The following IL31RA variants were observed in gnomAD, a reference collection of about 807,000 sequenced individuals.
The protein encoded by IL31RA is interleukin 31 receptor A, also known as interleukin-31 receptor subunit alpha.
A neutral mutation model predicts 83.7 loss-of-function variants in IL31RA; 66 were observed. The observed-to-expected ratio is 0.79, with a 90% CI of 0.65 to 0.97. The LOEUF (loss-of-function observed/expected upper bound fraction) is 0.97, where lower values mean the gene tolerates loss of function less well. IL31RA is among the 50% of genes least tolerant of loss of function. The pLI, the probability that IL31RA is intolerant of heterozygous loss-of-function variation, is 0.00. For synonymous variants in IL31RA, 325 were observed against 329.0 expected (o/e 0.99, Z 0.13); for missense variants, 798 against 919.4 (o/e 0.87, Z 1.71).
upstream of IL31RA, among the ~76,000 whole-genome samples, chr5:55,847,320 C>T (rs751579150): frequency 5.3e-5 from 8 of 151,282 alleles, no homozygotes; most frequent in East Asian, 9.7e-4. Flanking sequence ...TAGGGCTGGG[C>T]GCAGTGGCTC....
chr5:55,855,902 G>A (rs183203333), intron 1 of IL31RA, among the ~76,000 whole-genome samples: 39 of 152,182 alleles, frequency 2.6e-4, no homozygotes, highest in Admixed American at 2.6e-4. Context: ...GTTGTTGTTT[G>A]TTTGTTTGTT....
At chr5:55,886,000 AAAAT>A (rs1182911545) in intron 5 of IL31RA, among the ~76,000 whole-genome samples, 1 of 152,166 alleles carries the variant, frequency 6.6e-6, no homozygotes, top group African/African-American at 2.4e-5. Flanking sequence ...TTCAACAAGA[AAAAT>A]AAACCAGGAC....
intron 6 of IL31RA, 143 bp from the exon 7 acceptor site, chr5:55,896,207 G>A: frequency 1.4e-6 from 1 of 707,442 alleles, no homozygotes; most frequent in Non-Finnish European, 2.7e-6. Context: ...TTTGGTCATT[G>A]CAAAGCTGCC....
chr5:55,911,063 G>A (rs879838150), intron 12 of IL31RA, among the ~76,000 whole-genome samples: 3 of 152,140 alleles, frequency 2.0e-5, no homozygotes, highest in Non-Finnish European at 2.9e-5. Flanking sequence ...CTGTTTTCAC[G>A]CTGCTGATAA....
intron 4 of IL31RA, among the ~76,000 whole-genome samples, chr5:55,877,390 A>C (rs995879383): frequency 6.6e-6 from 1 of 152,250 alleles, no homozygotes; most frequent in Non-Finnish European, 1.5e-5. Context: ...AACCATAATT[A>C]CAATAATACT....
rs1019006636 is a variant in IL31RA, at chr5:55,919,767, A to G, written c.*2647A>G. Among the ~76,000 whole-genome samples, 3 of 152,162 alleles carry G rather than the reference A, an allele frequency of 2.0e-5. No homozygotes were observed. The highest frequency in any genetic ancestry group is 7.2e-5 in the African/African-American group (3 of 41,442). ...GGGCCACACCTTAGCTCTCCTGAGC[A>G]GGTTCACAGGATGTGAGCCTCAGAG... On this transcript the variant is annotated 3_prime_UTR_variant, in exon 15 of 15. Coordinates refer to ENST00000652347, the MANE Select transcript of IL31RA (RefSeq NM_139017.7).
upstream of IL31RA, among the ~76,000 whole-genome samples, chr5:55,847,167 C>T (rs1280710628): frequency 3.4e-5 from 5 of 147,104 alleles, no homozygotes; most frequent in South Asian, 4.3e-4. Context: ...CACTTGAACC[C>T]GGGAGGTGGA....
chr5:55,886,268 C>CTTGTTTTTTTTTTTTTTTT (rs1235138364), intron 5 of IL31RA, among the ~76,000 whole-genome samples: 1 of 71,510 alleles, frequency 1.4e-5, no homozygotes, highest in Admixed American at 1.5e-4. Context: ...TGCTTGCTTG[C>CTTGTTTTTTTTTTTTTTTT]TTTTTTTTTT....
rs1216098336 is a variant in IL31RA at position 55,920,660 on chromosome 5, A to G, written c.*3540A>G. Among the ~76,000 whole-genome samples, 5 of 152,220 alleles carry G rather than the reference A, an allele frequency of 3.3e-5. No homozygotes were observed. Among genetic ancestry groups the G allele is most frequent in the Non-Finnish European group, 7.3e-5 (5 of 68,040 alleles). On this transcript the variant is annotated 3_prime_UTR_variant, in exon 15 of 15. Transcript: ENST00000652347. ...GCCTACCATAACCCACAGACATGAA[A>G]CTCAGACTGCCACTATGTTTCAACT...
At chr5:55,911,319 C>A (rs1290926405) in intron 12 of IL31RA, among the ~76,000 whole-genome samples, 9 of 152,038 alleles carry the variant, frequency 5.9e-5, no homozygotes. Context: ...CAATTATCTC[C>A]CCCTGGGTCC....
chr5:55,851,717 G>T, intron 1 of IL31RA, 84 bp downstream of exon 1: 1 of 1,612,524 alleles, frequency 6.2e-7, no homozygotes, highest in Non-Finnish European at 8.5e-7. Flanking sequence ...AATGAGGGTT[G>T]ATTTTACCTA....
intron 4 of IL31RA, among the ~76,000 whole-genome samples, chr5:55,874,099 G>T (rs995922378): frequency 1.3e-5 from 2 of 151,940 alleles, no homozygotes; most frequent in African/African-American, 4.8e-5. Flanking sequence ...TTATTCTTTT[G>T]CATGTGGATA....
intron 5 of IL31RA, 119 bp downstream of exon 5, chr5:55,883,314 A>C: frequency 2.1e-6 from 2 of 938,188 alleles, no homozygotes; most frequent in Non-Finnish European, 3.4e-6. Flanking sequence ...GAAGAGAGAC[A>C]TTGCTAAGTA....
At position 55,918,633 on chromosome 5, in the gene IL31RA, G is replaced by T. The variant is rs1580754565; in HGVS notation, c.*1513G>T. On this transcript the variant is annotated 3_prime_UTR_variant, in exon 15 of 15. Coordinates refer to ENST00000652347, the MANE Select transcript of IL31RA (RefSeq NM_139017.7). ...CTCTGGGTCATGTATTTGTCCGGCC[G>T]TGTTTTTGTCTCTGGCCTCGTGTGT... Among the ~76,000 whole-genome samples the T allele has an allele frequency of 6.6e-6, 1 of 152,152 alleles. No individual in the cohort carries two copies. The highest frequency in any genetic ancestry group is 1.5e-5 in the Non-Finnish European group (1 of 68,038).
intron 7 of IL31RA, among the ~76,000 whole-genome samples, chr5:55,899,121 T>C (rs1161025145): frequency 6.6e-6 from 1 of 152,172 alleles, no homozygotes; most frequent in African/African-American, 2.4e-5. Context: ...CTTTTATGCC[T>C]AGACATAAAA....
chr5:55,907,131 A>G (rs1275432203), intron 9 of IL31RA, among the ~76,000 whole-genome samples: 2 of 152,242 alleles, frequency 1.3e-5, no homozygotes, highest in African/African-American at 4.8e-5. Context: ...CCTGCCTCCA[A>G]AAAATAAAAA....
intron 12 of IL31RA, among the ~76,000 whole-genome samples, chr5:55,912,763 T>A (rs1228988369): frequency 6.6e-6 from 1 of 152,064 alleles, no homozygotes; most frequent in African/African-American, 2.4e-5. Flanking sequence ...ACCACTGCAC[T>A]CCAGCCTGGG....
chr5:55,853,285 T>G, intron 1 of IL31RA: 1 of 1,189,982 alleles, frequency 8.4e-7, no homozygotes, highest in Non-Finnish European at 1.0e-6. Flanking sequence ...TTTTTTTTTG[T>G]AGAGTTGAGT....
At chr5:55,853,579 T>C (rs10940487) in intron 1 of IL31RA, 1,156,586 of 1,549,092 alleles carry the variant, frequency 0.75, 435,733 homozygotes, top group African/African-American at 0.83. Context: ...TGAGTGCTAA[T>C]TCATTTAGAA....
Sources: gnomAD v4.1 joint callset for allele counts (sites outside exome capture counted in the v4.1 genomes callset) on GRCh38, gnomAD v4.1.1 for gene constraint, MANE v1.5 for transcripts, NCBI Gene and HGNC (gene_info 2026-07-23, HGNC 2026-07-21) for gene names.